The following PRAG1 variants were observed in gnomAD, a reference collection of about 807,000 sequenced individuals.
The protein encoded by PRAG1 is PEAK1 related, kinase-activating pseudokinase 1.
PRAG1 carries 110 observed loss-of-function variants against 95.6 expected under a neutral mutation model. The ratio of observed to expected loss-of-function variants is 1.15; its 90% confidence interval spans 0.99 to 1.35. The LOEUF (loss-of-function observed/expected upper bound fraction) is 1.35. Ranked by LOEUF, PRAG1 falls within the 40% of genes most tolerant of loss-of-function variation. PRAG1 has a pLI of 0.00. For missense variants in PRAG1, 2,554 were observed against 1,864.7 expected, an observed-to-expected ratio of 1.37 and a Z score of -6.81; for synonymous variants, 1,052 against 819.4, an observed-to-expected ratio of 1.28 and a Z score of -4.85.
At position 8,366,664 on chromosome 8, in the gene PRAG1, G is replaced by C. The variant is rs563503633; in HGVS notation, c.2162+9583C>G. Among the ~76,000 whole-genome samples, 13 of 149,444 alleles carry C rather than the reference G, an allele frequency of 8.7e-5. No individual in the cohort carries two copies. In the East Asian group the frequency reaches 2.5e-3, roughly 28 times the overall value. ...TAACAAAAATGGGTATTAACCACTT[G>C]AGATTTTGCACTTTATTTTTATCTT... is the stretch of plus-strand genomic sequence containing the variant. On this transcript the variant is annotated intron_variant, in intron 3 of 5. Coordinates refer to ENST00000615670, the MANE Select transcript of PRAG1 (RefSeq NM_001080826.3).
chr8:8,368,157 A>T (rs1437551018), intron 3 of PRAG1, among the ~76,000 whole-genome samples: 2 of 152,254 alleles, frequency 1.3e-5, no homozygotes, highest in African/African-American at 4.8e-5. Flanking sequence ...TGGGGGGAAC[A>T]TTCAACAGTG....
In PRAG1 at chr8:8,367,766, C is replaced by T. The variant is rs377422795; in HGVS notation, c.2162+8481G>A. The stretch of plus-strand genomic sequence containing the variant: ...AAGCAATTCTCCTGCCTCAGCCTCC[C>T]GAATACCTGGGATTACAGGTGCGTG... On this transcript the variant is annotated intron_variant, in intron 3 of 5. Transcript: ENST00000615670. Among the ~76,000 whole-genome samples the T allele has an allele frequency of 3.3e-4, 50 of 152,064 alleles. No individual in the cohort carries two copies. In the East Asian group the frequency reaches 9.4e-3, roughly 29 times the overall value.
intron 3 of PRAG1, among the ~76,000 whole-genome samples, chr8:8,358,397 T>A (rs1563245870): frequency 6.6e-6 from 1 of 152,160 alleles, no homozygotes; most frequent in African/African-American, 2.4e-5. Flanking sequence ...TCATGATTAA[T>A]TAAAGCATCA....
rs974636078 is a variant in PRAG1, at chr8:8,319,149, G to T, written c.3226C>A (p.Leu1076Met). The change falls in exon 6 of 6, where the codon CTG becomes ATG. Residue 1076 changes from leucine to methionine, a missense_variant. Transcript: ENST00000615670. ...TCCTGGGCAGGGGGGTGTGTGGGCA[G>T]GGCAGGCACAGGGTCCTTGGGCGCG... ...PDAPKDPVPA[L>M]PTHPPAQEQD... The T allele has an allele frequency of 3.7e-6, 6 of 1,605,788 alleles. No homozygotes were observed. Among genetic ancestry groups the T allele is most frequent in the Non-Finnish European group, 5.1e-6 (6 of 1,176,410 alleles).
intron 4 of PRAG1, 130 bp from the exon 5 acceptor site, chr8:8,328,591 A>G (rs1798724308): frequency 2.9e-6 from 3 of 1,025,258 alleles, no homozygotes; most frequent in African/African-American, 3.2e-5. Context: ...CTTCTTTTCT[A>G]TTTCTCTAAT....
intron 2 of PRAG1, among the ~76,000 whole-genome samples, chr8:8,380,873 A>C (rs976958982): frequency 1.4e-5 from 2 of 142,668 alleles, no homozygotes; most frequent in Non-Finnish European, 3.1e-5. Flanking sequence ...AAAAAAAAAA[A>C]AAAAATTAAG....
At chr8:8,345,961 C>A (rs1404966757) in intron 3 of PRAG1, among the ~76,000 whole-genome samples, 1 of 152,178 alleles carries the variant, frequency 6.6e-6, no homozygotes, top group Non-Finnish European at 1.5e-5. Flanking sequence ...GGAAGCTTGC[C>A]ATCAAAGCAC....
chr8:8,364,470 T>C (rs1397160829), intron 3 of PRAG1, among the ~76,000 whole-genome samples: 1 of 152,186 alleles, frequency 6.6e-6, no homozygotes, highest in East Asian at 1.9e-4. Flanking sequence ...GCTGATGGCA[T>C]CCTCAGTTCA....
chr8:8,369,630 G>A (rs1800126561), intron 3 of PRAG1, among the ~76,000 whole-genome samples: 1 of 151,890 alleles, frequency 6.6e-6, no homozygotes, highest in Non-Finnish European at 1.5e-5. Context: ...CTCAACCTTA[G>A]GAATTGCAGA....
intron 3 of PRAG1, among the ~76,000 whole-genome samples, chr8:8,365,790 C>CTATA (rs60657487): frequency 0.31 from 45,633 of 148,256 alleles, 7,343 homozygotes; most frequent in East Asian, 0.61. Flanking sequence ...TGGTGAAACC[C>CTATA]TATATATATA....
chr8:8,328,557 G>T, intron 4 of PRAG1, 96 bp from the exon 5 acceptor site: 2 of 1,280,156 alleles, frequency 1.6e-6, no homozygotes, highest in South Asian at 1.5e-5. Flanking sequence ...TATTTATTTG[G>T]TCAGAGCAAT....
intron 2 of PRAG1, among the ~76,000 whole-genome samples, chr8:8,380,852 CAAAAAAAAAAAAA>C (rs71217290): frequency 1.6e-5 from 1 of 64,448 alleles, no homozygotes; most frequent in African/African-American, 7.2e-5. Flanking sequence ...GACTCCATCT[CAAAAAAAAAAAAA>C]AAAAAAAAAA....
chr8:8,337,703 C>T (rs547073363), intron 4 of PRAG1, among the ~76,000 whole-genome samples: 2 of 152,276 alleles, frequency 1.3e-5, no homozygotes, highest in Non-Finnish European at 2.9e-5. Context: ...TAAAGGAATA[C>T]CACGACAATA....
chr8:8,329,032 CAT>C (rs1166703030), intron 4 of PRAG1, among the ~76,000 whole-genome samples: 3 of 152,126 alleles, frequency 2.0e-5, no homozygotes, highest in African/African-American at 7.2e-5. Context: ...CAAACTCGAA[CAT>C]GTGTGGTTTC....
intron 1 of PRAG1, among the ~76,000 whole-genome samples, chr8:8,384,448 C>T (rs753504308): frequency 4.0e-5 from 6 of 151,888 alleles, no homozygotes; most frequent in Non-Finnish European, 7.4e-5. Context: ...TTTCATCACA[C>T]GACTGCCAGG....
At chr8:8,369,710 T>C (rs866422804) in intron 3 of PRAG1, among the ~76,000 whole-genome samples, 1 of 152,156 alleles carries the variant, frequency 6.6e-6, no homozygotes, top group Middle Eastern at 3.4e-3. Context: ...TTTTTTTTTT[T>C]TTTTTTACAA....
chr8:8,349,930 T>TACACACACAC (rs67536846), intron 3 of PRAG1, among the ~76,000 whole-genome samples: 99 of 144,874 alleles, frequency 6.8e-4, no homozygotes, highest in African/African-American at 2.0e-3. Context: ...GATAGGAAAA[T>TACACACACAC]ACACACACAC....
chr8:8,337,284 T>C (rs951665527), intron 4 of PRAG1, among the ~76,000 whole-genome samples: 1 of 152,300 alleles, frequency 6.6e-6, no homozygotes, highest in East Asian at 1.9e-4. Context: ...TTGCAATGGA[T>C]AAATATTTCA....
chr8:8,384,893 C>A (rs1800800285), intron 1 of PRAG1, among the ~76,000 whole-genome samples: 1 of 152,170 alleles, frequency 6.6e-6, no homozygotes, highest in Non-Finnish European at 1.5e-5. Context: ...GCTCAGCATT[C>A]TTTCTGATCC....
Sources: allele counts gnomAD v4.1 joint callset (sites outside exome capture counted in the v4.1 genomes callset), GRCh38; gene constraint gnomAD v4.1.1; transcripts MANE v1.5; gene names NCBI Gene and HGNC (gene_info 2026-07-23, HGNC 2026-07-21).